Variants in KLF8 observed in about 807,000 individuals in gnomAD.
KLF8 encodes Krueppel-like factor 8.
A neutral mutation model predicts 18.2 loss-of-function variants in KLF8; 10 were observed. The observed-to-expected ratio is 0.55, with a 90% CI of 0.34 to 0.93. KLF8 has a LOEUF of 0.93. Among genes scored for constraint, KLF8 ranks in the 40% least tolerant of loss-of-function variants. The pLI is 0.02. For missense variants in KLF8, 264 were observed against 277.9 expected (o/e 0.95, Z 0.36); for synonymous variants, 109 against 97.3 (o/e 1.12, Z -0.71).
the KLF8 span, among the ~76,000 whole-genome samples, chrX:55,930,086 G>T: frequency 9.0e-5 from 10 of 111,153 alleles, no homozygotes; most frequent in African/African-American, 2.6e-4. Context: ...TCTCCTTCAA[G>T]AGGTCCTTCA....
At chrX:55,953,254 G>T in the KLF8 span, among the ~76,000 whole-genome samples, 1 of 111,221 alleles carries the variant, frequency 9.0e-6, no homozygotes, top group Non-Finnish European at 1.9e-5. Context: ...GTGCTGCAAG[G>T]CAAATTAAAG....
the KLF8 span, among the ~76,000 whole-genome samples, chrX:55,970,779 A>G: frequency 1.8e-5 from 2 of 111,570 alleles, no homozygotes; most frequent in Non-Finnish European, 3.8e-5. Context: ...AAACAATCTC[A>G]AAAAGAAATC....
chrX:56,225,466 G>A, the KLF8 span, among the ~76,000 whole-genome samples: 1 of 111,552 alleles, frequency 9.0e-6, no homozygotes, highest in Non-Finnish European at 1.9e-5. Context: ...ATGCAATCAG[G>A]CAAATTTATG....
At chrX:56,269,625 ACTGC>A in intron 4 of KLF8, 136 bp downstream of exon 4, 1 of 999,583 alleles carries the variant, frequency 1.0e-6, no homozygotes, top group Non-Finnish European at 1.3e-6. Flanking sequence ...ATATAGGGAG[ACTGC>A]CTTTCCAGTG....
chrX:56,284,849 C>T lies in KLF8; in HGVS notation c.*355C>T, dbSNP rs1001432799. The T allele has an allele frequency of 1.2e-5, 2 of 165,882 alleles. No individual in the cohort carries two copies. Among genetic ancestry groups the T allele is most frequent in the African/African-American group, 6.0e-5 (2 of 33,103 alleles). 13.7% of individuals were successfully genotyped at this position (165,882 alleles called of 1,213,427 possible). ...GTGAACAAACATACGCTGCTTTATT[C>T]TTTCCAATTTTTCTCTTGTTTTCTA... On this transcript the variant is annotated 3_prime_UTR_variant, in exon 6 of 6. Transcript: ENST00000468660.
chrX:55,950,349 CAGTT>C, the KLF8 span, among the ~76,000 whole-genome samples: 3 of 111,057 alleles, frequency 2.7e-5, no homozygotes, highest in Non-Finnish European at 5.7e-5. Flanking sequence ...GTTAGAGGCT[CAGTT>C]AGAGTATCAG....
At chrX:56,126,397 T>C in the KLF8 span, among the ~76,000 whole-genome samples, 1 of 112,163 alleles carries the variant, frequency 8.9e-6, no homozygotes, top group Non-Finnish European at 1.9e-5. Flanking sequence ...CATAATAGCC[T>C]CTTAACTAAT....
At chrX:56,175,918 A>C in the KLF8 span, among the ~76,000 whole-genome samples, 1 of 111,045 alleles carries the variant, frequency 9.0e-6, no homozygotes, top group African/African-American at 3.3e-5. Flanking sequence ...CTGGGATTGC[A>C]ACCCCTGCCT....
chrX:56,243,599 C>T (rs761911903), intron 1 of KLF8, among the ~76,000 whole-genome samples: 6 of 88,888 alleles, frequency 6.8e-5, no homozygotes, highest in African/African-American at 2.7e-4. Context: ...TGCAATGGTG[C>T]GACCTCAGCT....
chrX:56,213,810 G>A, the KLF8 span, among the ~76,000 whole-genome samples: 1 of 111,681 alleles, frequency 9.0e-6, no homozygotes, highest in South Asian at 3.8e-4. Flanking sequence ...TAATGGCTCA[G>A]TGGACCCTCT....
chrX:56,190,261 G>A, the KLF8 span, among the ~76,000 whole-genome samples: 1 of 110,538 alleles, frequency 9.0e-6, no homozygotes, highest in Non-Finnish European at 1.9e-5. Flanking sequence ...TGACAAAGGG[G>A]TCCACTGAGC....
the KLF8 span, among the ~76,000 whole-genome samples, chrX:55,921,056 C>A: frequency 8.9e-6 from 1 of 112,043 alleles, no homozygotes; most frequent in African/African-American, 3.2e-5. Context: ...AGAGCTTCTG[C>A]ACAGAAAAAG....
At chrX:55,984,163 T>C in the KLF8 span, among the ~76,000 whole-genome samples, 1 of 110,159 alleles carries the variant, frequency 9.1e-6, no homozygotes, top group African/African-American at 3.3e-5. Context: ...ATGTGCAGGA[T>C]GTGCAGGTTT....
chrX:56,148,435 G>A, the KLF8 span, among the ~76,000 whole-genome samples: 17 of 107,702 alleles, frequency 1.6e-4, no homozygotes, highest in East Asian at 4.7e-3. Context: ...GATCCTACAC[G>A]AGCTTTAAAA....
chrX:56,144,569 G>T, the KLF8 span, among the ~76,000 whole-genome samples: 3 of 107,707 alleles, frequency 2.8e-5, no homozygotes, highest in Non-Finnish European at 5.8e-5. Context: ...CCAAGATGGT[G>T]AAACCTCGTC....
chrX:56,193,144 TAAAG>T, the KLF8 span, among the ~76,000 whole-genome samples: 13 of 111,731 alleles, frequency 1.2e-4, no homozygotes, highest in African/African-American at 4.2e-4. Context: ...ATAATCCAAT[TAAAG>T]AAAGAGCAAA....
At chrX:56,235,005 T>A (rs2066456026) in intron 1 of KLF8, among the ~76,000 whole-genome samples, 1 of 111,646 alleles carries the variant, frequency 9.0e-6, no homozygotes. Flanking sequence ...TATACATCCC[T>A]CTTGTTTAGA....
At chrX:56,271,014 A>T (rs2067050638) in intron 5 of KLF8, among the ~76,000 whole-genome samples, 1 of 112,353 alleles carries the variant, frequency 8.9e-6, no homozygotes, top group Non-Finnish European at 1.9e-5. Context: ...ATACAACAAT[A>T]AAAAAATACA....
rs940832272 is a variant in KLF8, at chrX:56,289,213, G to A, written c.*4719G>A. Among the ~76,000 whole-genome samples the A allele has an allele frequency of 2.7e-5, 3 of 111,161 alleles. No individual in the cohort carries two copies. Among genetic ancestry groups the A allele is most frequent in the Non-Finnish European group, 3.8e-5 (2 of 53,053 alleles). On this transcript the variant is annotated 3_prime_UTR_variant, in exon 6 of 6. Coordinates refer to ENST00000468660, the MANE Select transcript of KLF8 (RefSeq NM_007250.5). ...TCGAATTGTTCCAGCTTTGGCCATT[G>A]GGAGCTCTTTTGGGTGATTCTCAAG...
Sources: gnomAD v4.1 joint callset for allele counts (sites outside exome capture counted in the v4.1 genomes callset) on GRCh38, gnomAD v4.1.1 for gene constraint, MANE v1.5 for transcripts, NCBI Gene and HGNC (gene_info 2026-07-23, HGNC 2026-07-21) for gene names.